The following ABHD5 variants were observed in gnomAD, a reference collection of about 807,000 sequenced individuals.
ABHD5 encodes the protein 1-acylglycerol-3-phosphate O-acyltransferase ABHD5.
ABHD5 carries 30 observed loss-of-function variants against 44.9 expected under a neutral mutation model. The ratio of observed to expected loss-of-function variants is 0.67; its 90% CI spans 0.50 to 0.91. The LOEUF is 0.91. Ranked by LOEUF, ABHD5 falls within the 40% of genes least tolerant of loss-of-function variation. The pLI, the probability that ABHD5 is intolerant of heterozygous loss-of-function variation, is 0.00. For synonymous variants in ABHD5, 167 were observed against 147.0 expected (o/e 1.14, Z -0.99); for missense variants, 399 against 423.4 (o/e 0.94, Z 0.50).
At chr3:43,700,085 G>T (rs1274121402) in intron 2 of ABHD5, among the ~76,000 whole-genome samples, 1 of 152,146 alleles carries the variant, frequency 6.6e-6, no homozygotes, top group Non-Finnish European at 1.5e-5. Context: ...AGGTAACTTG[G>T]TCTAGGCCCA....
intron 2 of ABHD5, 101 bp downstream of exon 2, chr3:43,699,462 TTG>T (rs2084513186): frequency 1.8e-6 from 2 of 1,137,786 alleles, no homozygotes; most frequent in South Asian, 2.6e-5. Flanking sequence ...GGTGTGTTCA[TTG>T]TTGGCAAAAT....
At chr3:43,703,987 A>G (rs554762901) in intron 3 of ABHD5, among the ~76,000 whole-genome samples, 9 of 151,076 alleles carry the variant, frequency 6.0e-5, no homozygotes, top group East Asian at 5.8e-4. Flanking sequence ...AAGAAATGCA[A>G]ATTTTCTTCT....
chr3:43,733,123 A>T (rs143718727), intron 7 of ABHD5, among the ~76,000 whole-genome samples: 209 of 152,278 alleles, frequency 1.4e-3, no homozygotes, highest in African/African-American at 4.8e-3. Context: ...CTGGATTCTG[A>T]TGGTTAGAAG....
chr3:43,723,477 A>C (rs2084857295), downstream of ABHD5, among the ~76,000 whole-genome samples: 1 of 152,220 alleles, frequency 6.6e-6, no homozygotes, highest in South Asian at 2.1e-4. Flanking sequence ...GGTTCATAAA[A>C]TCTGAACCTG....
chr3:43,706,469 C>T (rs1184936276), intron 3 of ABHD5, among the ~76,000 whole-genome samples: 169 of 146,254 alleles, frequency 1.2e-3, no homozygotes, highest in Non-Finnish European at 2.1e-3. Context: ...AGAATGTTAC[C>T]TTTTTTTTTT....
chr3:43,711,173 A>G lies in ABHD5; in HGVS notation c.507-536A>G, dbSNP rs76523345. Among the ~76,000 whole-genome samples, 1,307 of 152,322 alleles carry G rather than the reference A, an allele frequency of 8.6e-3. 11 individuals carry two copies. The highest frequency in any genetic ancestry group is 0.028 in the African/African-American group (1,183 of 41,568). Reference sequence around the variant, plus strand: ...TCCACGTTACGTTATCCTCATGTTTATGAAAAGTTAATTTAAAGTACTTTT... The same window carrying G: ...TCCACGTTACGTTATCCTCATGTTTGTGAAAAGTTAATTTAAAGTACTTTT... On this transcript the variant is annotated intron_variant, in intron 3 of 6. Transcript: ENST00000644371.
In ABHD5 at chr3:43,719,473, CA is replaced by C. The variant is rs2084808214; in HGVS notation, c.*942del. ...CTTTTGTAGATGGGTGCTAAAATTG[CA>C]TACATTTTAACCACTAAAATAGAAA... On this transcript the variant is annotated 3_prime_UTR_variant, in exon 7 of 7. Transcript: ENST00000644371. 1.3e-5 allele frequency: 2 copies of C among 152,100 alleles called. No individual in the cohort carries two copies. The highest frequency in any genetic ancestry group is 1.3e-4 in the Admixed American group (2 of 15,272). The allele number at this position is 152,100 out of a possible 1,614,324, so 9.4% of individuals were successfully genotyped here.
chr3:43,711,558 A>G, intron 3 of ABHD5, 151 bp from the exon 4 acceptor site: 1 of 836,870 alleles, frequency 1.2e-6, no homozygotes, highest in South Asian at 1.6e-5. Context: ...ACACAGAATA[A>G]GAGCATGATA....
intron 3 of ABHD5, among the ~76,000 whole-genome samples, chr3:43,710,218 T>C (rs2084670215): frequency 6.6e-6 from 1 of 152,216 alleles, no homozygotes; most frequent in South Asian, 2.1e-4. Context: ...TAAATGAAAC[T>C]CATTTATCAC....
intron 5 of ABHD5, among the ~76,000 whole-genome samples, chr3:43,715,458 C>T (rs879783387): frequency 1.2e-4 from 18 of 152,136 alleles, no homozygotes; most frequent in African/African-American, 2.9e-4. Flanking sequence ...CCACCGTGCC[C>T]GGCCTTTGTT....
At chr3:43,693,985 C>T (rs2084437210) in intron 1 of ABHD5, among the ~76,000 whole-genome samples, 1 of 151,958 alleles carries the variant, frequency 6.6e-6, no homozygotes, top group African/African-American at 2.4e-5. Flanking sequence ...TTATTTTTAC[C>T]TTCCTGCTCC....
At chr3:43,710,813 A>G (rs2084679531) in intron 3 of ABHD5, among the ~76,000 whole-genome samples, 1 of 152,170 alleles carries the variant, frequency 6.6e-6, no homozygotes, top group African/African-American at 2.4e-5. Context: ...TTACAGTTGA[A>G]CATTGTATTG....
chr3:43,696,725 T>A (rs958179896), intron 1 of ABHD5, among the ~76,000 whole-genome samples: 4 of 152,152 alleles, frequency 2.6e-5, no homozygotes, highest in Admixed American at 6.5e-5. Context: ...TCCTGTAGAG[T>A]GTCTCAAAGA....
chr3:43,713,057 C>T (rs1389278280), intron 4 of ABHD5, among the ~76,000 whole-genome samples: 1 of 152,090 alleles, frequency 6.6e-6, no homozygotes, highest in African/African-American at 2.4e-5. Flanking sequence ...TGGCTCACAC[C>T]TGTAATACCA....
intron 1 of ABHD5, 100 bp from the exon 2 acceptor site, chr3:43,699,176 T>A: frequency 1.0e-6 from 1 of 985,232 alleles, no homozygotes; most frequent in South Asian, 1.3e-5. Context: ...ATCACACAGG[T>A]AGTAAATTTC....
At chr3:43,729,403 T>G (rs1486006537) in intron 7 of ABHD5, among the ~76,000 whole-genome samples, 1 of 152,178 alleles carries the variant, frequency 6.6e-6, no homozygotes, top group Non-Finnish European at 1.5e-5. Flanking sequence ...AACACGCATT[T>G]ATGGGGAGAC....
In ABHD5 at chr3:43,690,980, CGCG is replaced by C. The variant is rs748141630; in HGVS notation, c.-4_-2del. 9 of 1,571,386 alleles carry C rather than the reference CGCG, an allele frequency of 5.7e-6. No homozygotes were observed. Among genetic ancestry groups the C allele is most frequent in the Admixed American group, 1.8e-5 (1 of 55,684 alleles). On this transcript the variant is annotated 5_prime_UTR_variant, in exon 1 of 7. Transcript: ENST00000644371. ...GCTTCGAGATAAGTCCCGGCGCTTG[CGCG>C]GCGGCGGCTATGGCGGCGGAGGAGG...
Position 43,696,185 on chromosome 3 carries a change from A to G in ABHD5, c.48-3091A>G, listed in dbSNP as rs1371586877. On this transcript the variant is annotated intron_variant, in intron 1 of 6. Coordinates refer to ENST00000644371, the MANE Select transcript of ABHD5 (RefSeq NM_016006.6). ...GACTTCTCTTTGTATTACAGTTGAC[A>G]CTTTGGTCACTGTTGAATTTAGGCC... Among the ~76,000 whole-genome samples the G allele has an allele frequency of 4.6e-5, 7 of 152,190 alleles. No homozygotes were observed. In the South Asian group the frequency reaches 8.3e-4, roughly 18 times the overall value.
intron 1 of ABHD5, among the ~76,000 whole-genome samples, chr3:43,698,445 G>A (rs1231224377): frequency 6.6e-6 from 1 of 152,124 alleles, no homozygotes; most frequent in Non-Finnish European, 1.5e-5. Flanking sequence ...ACTGTCAAAT[G>A]ACTACTGAAG....
Sources: allele counts gnomAD v4.1 joint callset (sites outside exome capture counted in the v4.1 genomes callset), GRCh38; gene constraint gnomAD v4.1.1; transcripts MANE v1.5; gene names NCBI Gene and HGNC (gene_info 2026-07-23, HGNC 2026-07-21).